Variants in PCBP3 observed in about 807,000 individuals in gnomAD.
PCBP3 encodes poly(rC)-binding protein 3.
A neutral mutation model predicts 52.7 loss-of-function variants in PCBP3; 25 were observed. The observed-to-expected ratio is 0.47, with a 90% CI of 0.35 to 0.66. The LOEUF (loss-of-function observed/expected upper bound fraction) is 0.66. Ranked by LOEUF, PCBP3 falls within the 30% of genes least tolerant of loss-of-function variation. PCBP3 has a pLI of 0.01. For missense variants in PCBP3, 391 were observed against 490.3 expected, an observed-to-expected ratio of 0.80 and a Z score of 1.91; for synonymous variants, 162 against 183.0, an observed-to-expected ratio of 0.89 and a Z score of 0.93.
chr21:45,825,010 C>T (rs1256402261), intron 4 of PCBP3, among the ~76,000 whole-genome samples: 1 of 152,242 alleles, frequency 6.6e-6, no homozygotes, highest in African/African-American at 2.4e-5. Context: ...AGCCTGCAAG[C>T]CCTGCACCCT....
chr21:45,795,648 A>G (rs1402995348), intron 4 of PCBP3, among the ~76,000 whole-genome samples: 1 of 152,230 alleles, frequency 6.6e-6, no homozygotes, highest in African/African-American at 2.4e-5. Flanking sequence ...AACATTTACA[A>G]TGAATGAACT....
chr21:45,645,285 A>C (rs1447495385), intron 1 of PCBP3, among the ~76,000 whole-genome samples: 1 of 152,108 alleles, frequency 6.6e-6, no homozygotes, highest in Non-Finnish European at 1.5e-5. Context: ...ATACAGTGCA[A>C]GTTCATTACG....
Position 45,837,739 on chromosome 21 carries a change from C to T in PCBP3, c.-125-12222C>T, listed in dbSNP as rs981236128. Among the ~76,000 whole-genome samples the T allele has an allele frequency of 5.3e-5, 8 of 152,184 alleles. No individual in the cohort carries two copies. Among genetic ancestry groups the T allele is most frequent in the South Asian group, 2.1e-4 (1 of 4,826 alleles). On this transcript the variant is annotated intron_variant, in intron 4 of 17. Transcript: ENST00000681687. This position sits in a 1 kb window ranked among gnomAD's most constrained non-coding sequence, Gnocchi z 4.1. ...AGCGAGCTTCCTAGGTGGCACTGCA[C>T]GTTGCACCGCATGGCATGATGAGGC...
At chr21:45,697,952 A>T (rs1381488582) in intron 2 of PCBP3, among the ~76,000 whole-genome samples, 1 of 151,904 alleles carries the variant, frequency 6.6e-6, no homozygotes, top group African/African-American at 2.4e-5. Context: ...GAAACATCTC[A>T]GTCATCAGAC....
intron 5 of PCBP3, among the ~76,000 whole-genome samples, chr21:45,854,407 C>T (rs942397026): frequency 3.2e-4 from 48 of 152,080 alleles, no homozygotes; most frequent in Admixed American, 2.9e-3. Context: ...AATCTCTGTC[C>T]CCATTAAACC....
intron 4 of PCBP3, among the ~76,000 whole-genome samples, chr21:45,834,143 C>G (rs952683598): frequency 6.6e-6 from 1 of 152,058 alleles, no homozygotes; most frequent in African/African-American, 2.4e-5. Flanking sequence ...CCACGGGGCC[C>G]AGGAGTCTGG....
At chr21:45,872,594 C>T (rs1184958221) in intron 5 of PCBP3, 1 of 152,198 alleles carries the variant, frequency 6.6e-6, no homozygotes, top group Non-Finnish European at 1.5e-5. Flanking sequence ...GCCCTCCGAG[C>T]TTCTACAGTG....
At chr21:45,774,914 C>G (rs1158758097) in intron 4 of PCBP3, among the ~76,000 whole-genome samples, 1 of 152,154 alleles carries the variant, frequency 6.6e-6, no homozygotes, top group Admixed American at 6.6e-5. Context: ...ATTTGGTTTG[C>G]TAACATTTTG....
intron 1 of PCBP3, among the ~76,000 whole-genome samples, chr21:45,652,113 A>G (rs1320029979): frequency 6.6e-6 from 1 of 152,236 alleles, no homozygotes; most frequent in East Asian, 1.9e-4. Flanking sequence ...CAGTCAACCC[A>G]GTAGAGACAC....
At chr21:45,749,046 A>G (rs1178781661) in intron 3 of PCBP3, among the ~76,000 whole-genome samples, 2 of 152,152 alleles carry the variant, frequency 1.3e-5, no homozygotes, top group Non-Finnish European at 2.9e-5. Flanking sequence ...ATGACCTATG[A>G]GAAGATGGTT....
intron 4 of PCBP3, among the ~76,000 whole-genome samples, chr21:45,815,506 G>A (rs1603442112): frequency 2.5e-5 from 2 of 81,106 alleles, no homozygotes; most frequent in Non-Finnish European, 2.5e-5. Context: ...TGAGTGAGTG[G>A]TGAGTGAGTG....
intron 2 of PCBP3, among the ~76,000 whole-genome samples, chr21:45,672,842 C>T (rs1366939637): frequency 1.3e-5 from 2 of 152,176 alleles, no homozygotes; most frequent in African/African-American, 2.4e-5. Flanking sequence ...GCCCATATTT[C>T]TGGACTGTCT....
intron 4 of PCBP3, chr21:45,828,100 C>G (rs1341662400): frequency 6.6e-6 from 1 of 152,326 alleles, no homozygotes; most frequent in Non-Finnish European, 1.5e-5. Flanking sequence ...GCACAGACAA[C>G]CACCCGCAGG....
At chr21:45,644,540 A>G (rs1008615286) in intron 1 of PCBP3, among the ~76,000 whole-genome samples, 2 of 152,036 alleles carry the variant, frequency 1.3e-5, no homozygotes, top group Non-Finnish European at 2.9e-5. Context: ...ATGTTTTCCA[A>G]TTCCCTCCGC....
chr21:45,898,994 T>A (rs2095944638), intron 6 of PCBP3, among the ~76,000 whole-genome samples: 1 of 138,182 alleles, frequency 7.2e-6, no homozygotes, highest in African/African-American at 2.8e-5. Flanking sequence ...ACGTCACCAT[T>A]GCTGGCCCCG....
At chr21:45,734,124 T>A (rs1173008267) in intron 2 of PCBP3, among the ~76,000 whole-genome samples, 1 of 152,234 alleles carries the variant, frequency 6.6e-6, no homozygotes, top group Non-Finnish European at 1.5e-5. Context: ...AGCTTGTTGC[T>A]GACTTTGTTA....
At chr21:45,654,063 A>G (rs1339480945) in intron 1 of PCBP3, among the ~76,000 whole-genome samples, 1 of 152,126 alleles carries the variant, frequency 6.6e-6, no homozygotes, top group Non-Finnish European at 1.5e-5. Flanking sequence ...CTTTAATTCT[A>G]TATATTCTTT....
chr21:45,710,949 G>A (rs192861040), intron 2 of PCBP3, among the ~76,000 whole-genome samples: 1 of 152,242 alleles, frequency 6.6e-6, no homozygotes, highest in Admixed American at 6.5e-5. Context: ...GGCACTTTCA[G>A]TTGGTTCCTG....
At chr21:45,758,208 T>A (rs1004901759) in intron 4 of PCBP3, among the ~76,000 whole-genome samples, 2 of 152,236 alleles carry the variant, frequency 1.3e-5, no homozygotes, top group Non-Finnish European at 2.9e-5. Flanking sequence ...CAGTACTATG[T>A]TTTGGATCCT....
Sources: gnomAD v4.1 joint callset for allele counts (sites outside exome capture counted in the v4.1 genomes callset) on GRCh38, gnomAD v4.1.1 for gene constraint, Gnocchi (gnomAD v3.1) non-coding constraint, MANE v1.5 for transcripts, NCBI Gene and HGNC (gene_info 2026-07-23, HGNC 2026-07-21) for gene names.